Variants in FREM2 observed in about 807,000 individuals in gnomAD.
FREM2 encodes the protein FRAS1 related extracellular matrix 2.
FREM2 carries 119 observed loss-of-function variants against 219.9 expected under a neutral mutation model. The observed-to-expected ratio is 0.54, with a 90% CI of 0.47 to 0.63. The LOEUF is 0.63. FREM2 is among the 30% of genes least tolerant of loss of function. FREM2 has a pLI of 0.00. For missense variants in FREM2, 4,030 were observed against 3,993.6 expected (o/e 1.01, Z -0.25); for synonymous variants, 1,562 against 1,522.8 (o/e 1.03, Z -0.60).
chr13:38,841,713 T>A (rs1281329120), intron 6 of FREM2, among the ~76,000 whole-genome samples: 1 of 152,216 alleles, frequency 6.6e-6, no homozygotes, highest in Non-Finnish European at 1.5e-5. Flanking sequence ...TAACTGCCAC[T>A]GCCTGATGCT....
chr13:38,846,248 T>G (rs1352048897), intron 6 of FREM2, among the ~76,000 whole-genome samples: 1 of 152,004 alleles, frequency 6.6e-6, no homozygotes, highest in Non-Finnish European at 1.5e-5. Flanking sequence ...GTGTTTTGCT[T>G]CATTTAGTTC....
At chr13:38,821,158 G>A (rs1876032332) in intron 6 of FREM2, among the ~76,000 whole-genome samples, 1 of 152,168 alleles carries the variant, frequency 6.6e-6, no homozygotes. Context: ...ACCTTTCAGA[G>A]GGAACAGATA....
intron 2 of FREM2, among the ~76,000 whole-genome samples, chr13:38,720,260 C>G (rs1871170275): frequency 6.6e-6 from 1 of 152,186 alleles, no homozygotes; most frequent in Admixed American, 6.5e-5. Context: ...TTACTACTAT[C>G]TTATTGTTAC....
chr13:38,736,744 A>G (rs1418846926), intron 2 of FREM2, among the ~76,000 whole-genome samples: 1 of 152,224 alleles, frequency 6.6e-6, no homozygotes, highest in Non-Finnish European at 1.5e-5. Context: ...TCATCATGTA[A>G]AGAAATTTAT....
intron 6 of FREM2, among the ~76,000 whole-genome samples, chr13:38,845,876 C>T (rs1877133736): frequency 6.6e-6 from 1 of 152,126 alleles, no homozygotes; most frequent in African/African-American, 2.4e-5. Context: ...AGCATGTGCC[C>T]TAGTTTAGTG....
rs558521128 is a variant in FREM2 at position 38,762,842 on chromosome 13, C to T, written c.5264-1462C>T. Among the ~76,000 whole-genome samples, 27 of 152,272 alleles carry T rather than the reference C, an allele frequency of 1.8e-4. 1 individual carries two copies. Among genetic ancestry groups the T allele is most frequent in the African/African-American group, 4.8e-4 (20 of 41,558 alleles). ...TTCTCCTGTATCATGTCTCATTTTACGAAGCTACATTCACAGTATCAGTAC... is the reference window on the plus strand; with the variant it reads ...TTCTCCTGTATCATGTCTCATTTTATGAAGCTACATTCACAGTATCAGTAC... On this transcript the variant is annotated intron_variant, in intron 2 of 23. Transcript: ENST00000280481.
chr13:38,872,524 T>C (rs1878194086), intron 16 of FREM2, among the ~76,000 whole-genome samples: 1 of 152,238 alleles, frequency 6.6e-6, no homozygotes, highest in African/African-American at 2.4e-5. Context: ...GGATTTCTGG[T>C]ACATATCCTT....
rs1355723074 is a variant in FREM2, at chr13:38,861,412, G to A, written c.7520-19G>A. 1.2e-6 allele frequency: 2 copies of A among 1,604,004 alleles called. No individual in the cohort carries two copies. The highest frequency in any genetic ancestry group is 1.7e-6 in the Non-Finnish European group (2 of 1,174,410). On this transcript the variant is annotated intron_variant, in intron 14 of 23. Coordinates refer to ENST00000280481, the MANE Select transcript of FREM2 (RefSeq NM_207361.6). ...GATTACCTTCTTTTCGCATAAATAT[G>A]GTCTTTTTTTTTTTCAAGGTCTTTG...
At chr13:38,855,392 C>A (rs1341947031) in intron 11 of FREM2, among the ~76,000 whole-genome samples, 1 of 152,132 alleles carries the variant, frequency 6.6e-6, no homozygotes, top group African/African-American at 2.4e-5. Context: ...TACTTATGAT[C>A]ATATTCATTT....
chr13:38,715,618 TTAGA>T (rs1870967160), intron 2 of FREM2, among the ~76,000 whole-genome samples: 1 of 152,110 alleles, frequency 6.6e-6, no homozygotes, highest in Non-Finnish European at 1.5e-5. Flanking sequence ...TTTTTTTTAT[TTAGA>T]AGGCAATGCT....
intron 2 of FREM2, among the ~76,000 whole-genome samples, chr13:38,755,338 C>G (rs1291142902): frequency 1.3e-5 from 2 of 152,154 alleles, no homozygotes; most frequent in Non-Finnish European, 2.9e-5. Context: ...AGGAACCCTC[C>G]CTGTGGCCCC....
intron 6 of FREM2, among the ~76,000 whole-genome samples, chr13:38,844,843 G>C (rs937287507): frequency 2.6e-5 from 4 of 152,198 alleles, no homozygotes; most frequent in Non-Finnish European, 1.5e-5. Context: ...AGATGTGCCT[G>C]GTTTGGCCAT....
intron 4 of FREM2, 115 bp from the exon 5 acceptor site, chr13:38,782,955 A>C: frequency 4.0e-6 from 5 of 1,238,646 alleles, no homozygotes; most frequent in African/African-American, 1.5e-5. Context: ...ATGTTATTCT[A>C]AAGAATATTC....
At chr13:38,754,858 A>AGATGAT (rs1157940850) in intron 2 of FREM2, among the ~76,000 whole-genome samples, 24 of 141,300 alleles carry the variant, frequency 1.7e-4, no homozygotes, top group South Asian at 1.4e-3. Flanking sequence ...TGGTTGGTCA[A>AGATGAT]GATGATGATG....
At chr13:38,846,221 A>C (rs1877148727) in intron 6 of FREM2, among the ~76,000 whole-genome samples, 1 of 151,810 alleles carries the variant, frequency 6.6e-6, no homozygotes, top group Admixed American at 6.6e-5. Flanking sequence ...CCAAAGTAAA[A>C]AAAAAAAAAA....
intron 5 of FREM2, among the ~76,000 whole-genome samples, chr13:38,784,290 T>C (rs532822296): frequency 1.3e-5 from 2 of 150,032 alleles, no homozygotes; most frequent in East Asian, 1.9e-4. Flanking sequence ...GGCTATTAAT[T>C]TGTAACATTG....
intron 6 of FREM2, among the ~76,000 whole-genome samples, chr13:38,836,848 A>T (rs1343859736): frequency 6.6e-6 from 1 of 151,958 alleles, no homozygotes; most frequent in African/African-American, 2.4e-5. Context: ...CTTCTTTATT[A>T]GTGTGGCTAG....
intron 6 of FREM2, among the ~76,000 whole-genome samples, chr13:38,815,480 G>T (rs1402855816): frequency 6.6e-6 from 1 of 152,134 alleles, no homozygotes; most frequent in Non-Finnish European, 1.5e-5. Flanking sequence ...AGAAATAAAA[G>T]AAGACAAAAT....
intron 3 of FREM2, 31 bp from the exon 4 acceptor site, chr13:38,769,547 A>G: frequency 6.4e-7 from 1 of 1,559,908 alleles, no homozygotes; most frequent in South Asian, 1.1e-5. Context: ...CGAAAATGAA[A>G]CTAAGAAAAT....
Sources: gnomAD v4.1 joint callset for allele counts (sites outside exome capture counted in the v4.1 genomes callset) on GRCh38, gnomAD v4.1.1 for gene constraint, MANE v1.5 for transcripts, NCBI Gene and HGNC (gene_info 2026-07-23, HGNC 2026-07-21) for gene names.